VPS13B: variants seen among roughly 807,000 people sequenced by gnomAD.
The protein encoded by VPS13B is intermembrane lipid transfer protein VPS13B.
Under a neutral mutation model 426.4 loss-of-function variants are expected in VPS13B, and 285 were observed. The observed-to-expected ratio is 0.67, with a 90% CI of 0.61 to 0.74. VPS13B has a LOEUF of 0.74. VPS13B is among the 30% of genes least tolerant of loss of function. The pLI, the probability that VPS13B is intolerant of heterozygous loss-of-function variation, is 0.00. For missense variants in VPS13B, 4,537 were observed against 4,782.6 expected, an observed-to-expected ratio of 0.95 and a Z score of 1.51; for synonymous variants, 1,676 against 1,676.4, an observed-to-expected ratio of 1.00 and a Z score of 0.01.
intron 33 of VPS13B, among the ~76,000 whole-genome samples, chr8:99,591,234 ATG>A (rs1826656804): frequency 1.7e-5 from 2 of 121,016 alleles, no homozygotes; most frequent in South Asian, 5.1e-4. Context: ...TTTTGAGTCT[ATG>A]TGTGTCTCTG....
intron 17 of VPS13B, among the ~76,000 whole-genome samples, chr8:99,225,894 C>G (rs1248427390): frequency 6.6e-6 from 1 of 152,154 alleles, no homozygotes; most frequent in Non-Finnish European, 1.5e-5. Flanking sequence ...ATGATCATTT[C>G]ATGACCTTCT....
rs537499511 is a variant in VPS13B, at chr8:99,452,669, GA to G, written c.3445+10039del. ...TCTTTACGAAATGAAAAAAAGGGGG[GA>G]AAAAGCATTACATAGATGATTAATA... On this transcript the variant is annotated intron_variant, in intron 23 of 61. Transcript: ENST00000357162. Among the ~76,000 whole-genome samples, 19 of 152,198 alleles carry G rather than the reference GA, an allele frequency of 1.2e-4. No homozygotes were observed. In the East Asian group the frequency reaches 2.9e-3, roughly 23 times the overall value.
intron 39 of VPS13B, among the ~76,000 whole-genome samples, chr8:99,756,902 A>G (rs1810668061): frequency 6.6e-6 from 1 of 152,254 alleles, no homozygotes; most frequent in Admixed American, 6.5e-5. Flanking sequence ...ATTTACAACC[A>G]GAAAGTTTGC....
At position 99,336,004 on chromosome 8, in the gene VPS13B, G is replaced by GA. The variant is rs1248079095; in HGVS notation, c.2825-48198dup. Among the ~76,000 whole-genome samples the GA allele has an allele frequency of 2.6e-5, 4 of 152,156 alleles. No individual in the cohort carries two copies. In the East Asian group the frequency reaches 7.7e-4, roughly 29 times the overall value. ...ACCAATGACTTTCTTCACAGAATTG[G>GA]AAAAAACTACTTTAAAGTTCATATG... On this transcript the variant is annotated intron_variant, in intron 19 of 61. Coordinates refer to ENST00000357162, the MANE Select transcript of VPS13B (RefSeq NM_152564.5).
rs558489853 is a variant in VPS13B at position 99,697,616 on chromosome 8, T to C, written c.6047-1909T>C. 52 of 641,334 alleles carry C rather than the reference T, an allele frequency of 8.1e-5. No individual in the cohort carries two copies. In the East Asian group the frequency reaches 1.3e-3, roughly 16 times the overall value. 39.7% of individuals were successfully genotyped at this position (641,334 alleles called of 1,614,324 possible). On this transcript the variant is annotated intron_variant, in intron 35 of 61. Transcript: ENST00000357162. ...AAAGACTGGTAGGTGAAGAAAAATA[T>C]GTGAAAGCATCTAAAGCCACCAAGA...
At chr8:99,418,380 A>G (rs780408812) in intron 21 of VPS13B, among the ~76,000 whole-genome samples, 2 of 149,990 alleles carry the variant, frequency 1.3e-5, no homozygotes, top group Middle Eastern at 3.4e-3. Context: ...TATACCATAT[A>G]GCAATAGATA....
chr8:99,797,702 G>A (rs748559196), intron 43 of VPS13B, among the ~76,000 whole-genome samples: 22 of 152,050 alleles, frequency 1.4e-4, no homozygotes, highest in Admixed American at 4.6e-4. Flanking sequence ...TGCTACAGGA[G>A]GAGATTAGCA....
At chr8:99,187,988 G>A (rs933742384) in intron 16 of VPS13B, among the ~76,000 whole-genome samples, 6 of 151,116 alleles carry the variant, frequency 4.0e-5, no homozygotes, top group Admixed American at 1.3e-4. Context: ...AGAGAGTGAC[G>A]GAGACAGAGA....
At chr8:99,368,076 A>G (rs1178171250) in intron 19 of VPS13B, among the ~76,000 whole-genome samples, 1 of 152,266 alleles carries the variant, frequency 6.6e-6, no homozygotes, top group African/African-American at 2.4e-5. Flanking sequence ...ATAAAACCTC[A>G]GTAAGAAGAC....
At chr8:99,714,074 G>A (rs1033151769) in intron 36 of VPS13B, among the ~76,000 whole-genome samples, 1 of 150,676 alleles carries the variant, frequency 6.6e-6, no homozygotes, top group African/African-American at 2.4e-5. Flanking sequence ...AGGAGGCAGA[G>A]GTTGCAGTGA....
At chr8:99,751,929 A>G (rs996494169) in intron 39 of VPS13B, among the ~76,000 whole-genome samples, 3 of 152,222 alleles carry the variant, frequency 2.0e-5, no homozygotes, top group Non-Finnish European at 1.5e-5. Flanking sequence ...GTTGTATTAT[A>G]GTAGAGGACT....
intron 58 of VPS13B, 127 bp from the exon 59 acceptor site, chr8:99,868,162 A>G (rs1817198371): frequency 9.0e-7 from 1 of 1,105,292 alleles, no homozygotes; most frequent in Non-Finnish European, 1.3e-6. Flanking sequence ...ACAAATGGGT[A>G]GTAAAGACCT....
chr8:99,748,923 CT>C (rs1253698575), intron 39 of VPS13B, among the ~76,000 whole-genome samples: 1 of 151,998 alleles, frequency 6.6e-6, no homozygotes, highest in African/African-American at 2.4e-5. Flanking sequence ...AGGATGCCTC[CT>C]CCTTCCTAGT....
At chr8:99,583,100 A>G (rs752623088) in intron 33 of VPS13B, among the ~76,000 whole-genome samples, 16 of 152,014 alleles carry the variant, frequency 1.1e-4, no homozygotes, top group Non-Finnish European at 2.4e-4. Context: ...GAATAGCATC[A>G]CCTCTGCTTT....
intron 30 of VPS13B, among the ~76,000 whole-genome samples, chr8:99,546,088 A>C: frequency 6.6e-6 from 1 of 152,072 alleles, no homozygotes; most frequent in East Asian, 1.9e-4. Context: ...AGAATTGCTT[A>C]ATGATTATTG....
chr8:99,461,997 A>G (rs1021841661), intron 23 of VPS13B, among the ~76,000 whole-genome samples: 1 of 152,178 alleles, frequency 6.6e-6, no homozygotes, highest in Admixed American at 6.6e-5. Flanking sequence ...ATATTGGTTC[A>G]ACAAAAGAAT....
At chr8:99,845,052 T>C (rs145982124) in intron 54 of VPS13B, among the ~76,000 whole-genome samples, 289 of 152,340 alleles carry the variant, frequency 1.9e-3, no homozygotes, top group African/African-American at 6.2e-3. Flanking sequence ...TTTTACTGAA[T>C]ATCTTACCAC....
intron 39 of VPS13B, among the ~76,000 whole-genome samples, chr8:99,756,954 A>T (rs1810670411): frequency 6.6e-6 from 1 of 152,270 alleles, no homozygotes; most frequent in East Asian, 1.9e-4. Context: ...ACTTAACTTC[A>T]CTGAGCCATA....
At chr8:99,040,120 T>A (rs1019883741) in intron 3 of VPS13B, among the ~76,000 whole-genome samples, 1 of 152,182 alleles carries the variant, frequency 6.6e-6, no homozygotes, top group Admixed American at 6.5e-5. Context: ...ACTTAAGTAC[T>A]TTTTTCATTG....
Sources: allele counts gnomAD v4.1 joint callset (sites outside exome capture counted in the v4.1 genomes callset), GRCh38; gene constraint gnomAD v4.1.1; transcripts MANE v1.5; gene names NCBI Gene and HGNC (gene_info 2026-07-23, HGNC 2026-07-21).